Variants in MICAL3 observed in about 807,000 individuals in gnomAD.
MICAL3 encodes [F-actin]-monooxygenase MICAL3.
A neutral mutation model predicts 207.4 loss-of-function variants in MICAL3; 62 were observed. That is an observed-to-expected ratio of 0.30 (90% CI 0.24 to 0.37). MICAL3 has a LOEUF of 0.37. Ranked by LOEUF, MICAL3 falls within the 10% of genes least tolerant of loss-of-function variation. The pLI is 1.00. For missense variants in MICAL3, 2,368 were observed against 2,635.6 expected, an observed-to-expected ratio of 0.90 and a Z score of 2.22; for synonymous variants, 1,077 against 1,069.3, an observed-to-expected ratio of 1.01 and a Z score of -0.14.
intron 19 of MICAL3, among the ~76,000 whole-genome samples, chr22:17,845,232 A>C (rs563700206): frequency 6.6e-6 from 1 of 152,324 alleles, no homozygotes; most frequent in African/African-American, 2.4e-5. Context: ...TCAGGGAAAC[A>C]AACAACTAAC....
At position 17,887,377 on chromosome 22, in the gene MICAL3, A is replaced by G. The variant is rs377223765; in HGVS notation, c.1950T>C (p.Pro650=). ...KAVLIASTRS[P]ISFLSKLGQT... ...GGCCAAGTTTGCTTAGGAAGGAGAT[A>G]GGGGATCTGGTGCTGGCTATCAGGA... The change falls in exon 14 of 32, where the codon CCT becomes CCC. Residue 650 remains proline, a synonymous_variant. Coordinates refer to ENST00000441493, the MANE Select transcript of MICAL3 (RefSeq NM_015241.3). 3.6e-5 allele frequency: 58 copies of G among 1,613,926 alleles called. No homozygotes were observed. Among genetic ancestry groups the G allele is most frequent in the Non-Finnish European group, 4.2e-5 (49 of 1,179,904 alleles).
intron 1 of MICAL3, among the ~76,000 whole-genome samples, chr22:17,923,392 C>A (rs1019009435): frequency 2.0e-5 from 3 of 152,222 alleles, no homozygotes; most frequent in African/African-American, 7.2e-5. Context: ...GGCTCCAAGC[C>A]AGCAACCTAC....
chr22:17,790,579 C>A lies in MICAL3; in HGVS notation c.*153G>T. On this transcript the variant is annotated 3_prime_UTR_variant, in exon 32 of 32. Coordinates refer to ENST00000441493, the MANE Select transcript of MICAL3 (RefSeq NM_015241.3). Reference sequence around the variant, plus strand: ...CTGTCACCTGGGGCTCCCCACTGCACGCGGGACTCGACCACTTTCCAAGCA... The same window carrying A: ...CTGTCACCTGGGGCTCCCCACTGCAAGCGGGACTCGACCACTTTCCAAGCA... 1.4e-6 allele frequency: 1 copy of A among 694,190 alleles called. No individual in the cohort carries two copies. Among genetic ancestry groups the A allele is most frequent in the Non-Finnish European group, 2.4e-6 (1 of 422,322 alleles). 43.0% of individuals were successfully genotyped at this position (694,190 alleles called of 1,614,324 possible).
intron 19 of MICAL3, among the ~76,000 whole-genome samples, chr22:17,845,756 A>C (rs1228421330): frequency 6.6e-6 from 1 of 152,178 alleles, no homozygotes; most frequent in African/African-American, 2.4e-5. Context: ...AACCAGGCAC[A>C]TGTTCGCAAC....
intron 29 of MICAL3, chr22:17,791,582 G>A (rs1247653130): frequency 3.9e-6 from 2 of 506,380 alleles, no homozygotes; most frequent in Non-Finnish European, 7.2e-6. Context: ...CCTGCTCTGT[G>A]TGCTCTCTTA....
At chr22:17,860,427 CCGCCGGGAAGCCGGCTGG>C in intron 19 of MICAL3, 1 of 985,472 alleles carries the variant, frequency 1.0e-6, no homozygotes, top group Non-Finnish European at 1.2e-6. Flanking sequence ...TCTCGTACCG[CCGCCGGGAAGCCGGCTGG>C]CTGTCCGCCC....
chr22:17,865,174 C>T (rs879746960), intron 18 of MICAL3, among the ~76,000 whole-genome samples, 188 bp from the exon 19 acceptor site: 15 of 151,818 alleles, frequency 9.9e-5, no homozygotes, highest in Non-Finnish European at 2.1e-4. Context: ...GCAGCGGCAT[C>T]ATCATAGCTC....
intron 16 of MICAL3, among the ~76,000 whole-genome samples, chr22:17,878,165 CTTCT>C (rs1929061586): frequency 6.6e-6 from 1 of 152,218 alleles, no homozygotes; most frequent in African/African-American, 2.4e-5. Flanking sequence ...CCCCTCCCTT[CTTCT>C]TTTAGGCGCT....
At chr22:17,920,444 C>T (rs947433579) in intron 1 of MICAL3, among the ~76,000 whole-genome samples, 7 of 152,148 alleles carry the variant, frequency 4.6e-5, no homozygotes, top group African/African-American at 7.2e-5. Context: ...CTGAGGGTGA[C>T]GGTGGCTTTC....
intron 19 of MICAL3, among the ~76,000 whole-genome samples, chr22:17,854,143 C>A (rs1187467098): frequency 6.6e-6 from 1 of 152,184 alleles, no homozygotes; most frequent in African/African-American, 2.4e-5. Context: ...TAGTCTAGAT[C>A]CGTGATTCTC....
chr22:17,952,036 T>G (rs1934375006), intron 1 of MICAL3, among the ~76,000 whole-genome samples: 1 of 152,118 alleles, frequency 6.6e-6, no homozygotes, highest in Non-Finnish European at 1.5e-5. Context: ...CCAAATCACT[T>G]AGAACTCAAG....
In MICAL3 at chr22:17,822,881, T is replaced by G. The variant is rs995852073; in HGVS notation, c.3307+66A>C. 7.5e-6 allele frequency: 8 copies of G among 1,069,900 alleles called. No homozygotes were observed. In the African/African-American group the frequency reaches 1.1e-4, roughly 15 times the overall value. 66.3% of individuals were successfully genotyped at this position (1,069,900 alleles called of 1,614,324 possible). On this transcript the variant is annotated intron_variant, in intron 23 of 31. Transcript: ENST00000441493. ...GCGGCCTCACTGAGCTTGATTTTGC[T>G]GGAAAGCATATTGCCTTCATCTTCC...
chr22:17,899,514 A>G lies in MICAL3; in HGVS notation c.882T>C (p.Asp294=), dbSNP rs1392060553. 1.9e-6 allele frequency: 3 copies of G among 1,608,174 alleles called. No homozygotes were observed. Among genetic ancestry groups the G allele is most frequent in the African/African-American group, 1.3e-5 (1 of 75,030 alleles). The change falls in exon 7 of 32, where the codon GAT becomes GAC. Residue 294 remains aspartate (D), a synonymous_variant. Coordinates refer to ENST00000441493, the MANE Select transcript of MICAL3 (RefSeq NM_015241.3). ...CTGTCATAACGAAATAGTGTGTGTC[A>G]TCTTTGTAGTAAACGATGTTCTCCA... ...IDLENIVYYK[D]DTHYFVMTAK...
intron 1 of MICAL3, among the ~76,000 whole-genome samples, chr22:17,972,866 G>A (rs1251061047): frequency 6.6e-6 from 1 of 152,232 alleles, no homozygotes; most frequent in Non-Finnish European, 1.5e-5. Flanking sequence ...ACTGTAACCT[G>A]ACCCGTCAGC....
intron 20 of MICAL3, among the ~76,000 whole-genome samples, chr22:17,835,748 A>G (rs894416220): frequency 6.6e-6 from 1 of 152,232 alleles, no homozygotes; most frequent in East Asian, 1.9e-4. Flanking sequence ...CCCTCCTCAC[A>G]GGATCTGTTT....
At chr22:17,907,554 G>A (rs1195972103) in intron 1 of MICAL3, among the ~76,000 whole-genome samples, 1 of 152,164 alleles carries the variant, frequency 6.6e-6, no homozygotes, top group Non-Finnish European at 1.5e-5. Flanking sequence ...GGCTGGGGAC[G>A]CAGATCCAGA....
In MICAL3 at chr22:17,821,495, T is replaced by A; in HGVS notation, c.3463A>T (p.Thr1155Ser). The change falls in exon 25 of 32, where the codon ACC becomes TCC. Residue 1155 changes from threonine to serine, a missense_variant. Thr to Ser is a moderately conservative substitution (Grantham distance 58). This residue lies in a region of MICAL3 where 1,770 missense variants were observed against 1,863.2 expected (regional missense o/e 0.95). Transcript: ENST00000441493. ...KHQERGPSQA[T>S]SPIRSPQESA... ...TCCTGGGGAGACCGGATGGGGCTGGTGGCTTGGGAGGGACCTGAAAAGAAT... is the reference window on the plus strand; with the variant it reads ...TCCTGGGGAGACCGGATGGGGCTGGAGGCTTGGGAGGGACCTGAAAAGAAT... 6.5e-7 allele frequency: 1 copy of A among 1,540,450 alleles called. No homozygotes were observed.
intron 1 of MICAL3, among the ~76,000 whole-genome samples, chr22:17,950,331 G>GTTTT (rs1363364325): frequency 5.1e-5 from 5 of 97,510 alleles, no homozygotes; most frequent in African/African-American, 2.1e-4. Flanking sequence ...CTGGCGTTTT[G>GTTTT]TTTTTGTTTT....
At chr22:17,836,648 T>G (rs1356344046) in intron 20 of MICAL3, among the ~76,000 whole-genome samples, 1 of 118,654 alleles carries the variant, frequency 8.4e-6, no homozygotes, top group Non-Finnish European at 1.7e-5. Context: ...TCCTGGGTGG[T>G]TTTTTTTTTT....
Sources: gnomAD v4.1 joint callset for allele counts (sites outside exome capture counted in the v4.1 genomes callset) on GRCh38, gnomAD v4.1.1 for gene constraint, gnomAD v4.1.1 regional missense constraint, MANE v1.5 for transcripts, NCBI Gene and HGNC (gene_info 2026-07-23, HGNC 2026-07-21) for gene names.